Variants in HS3ST5 observed in about 807,000 individuals in gnomAD.
The protein encoded by HS3ST5 is heparan sulfate-glucosamine 3-sulfotransferase 5.
In HS3ST5, 10 loss-of-function variants were observed where a neutral mutation model predicts 25.4. The observed-to-expected ratio is 0.39, with a 90% CI of 0.24 to 0.67. The LOEUF is 0.67. Among genes scored for constraint, HS3ST5 ranks in the 30% least tolerant of loss-of-function variants. The pLI is 0.44. For synonymous variants in HS3ST5, 170 were observed against 162.4 expected (o/e 1.05, Z -0.36); for missense variants, 324 against 420.7 (o/e 0.77, Z 2.01).
chr6:114,093,047 C>A (rs1289386202), intron 3 of HS3ST5, among the ~76,000 whole-genome samples: 1 of 152,078 alleles, frequency 6.6e-6, no homozygotes, highest in African/African-American at 2.4e-5. Flanking sequence ...GTAGAATGAT[C>A]CACATGTTAC....
intron 1 of HS3ST5, among the ~76,000 whole-genome samples, chr6:114,304,575 A>C (rs1303435150): frequency 6.6e-6 from 1 of 152,120 alleles, no homozygotes; most frequent in Non-Finnish European, 1.5e-5. Context: ...AGCGATTCTC[A>C]AACTTTTTGG....
chr6:114,220,304 T>C (rs1781969838), intron 2 of HS3ST5, among the ~76,000 whole-genome samples: 2 of 152,088 alleles, frequency 1.3e-5, no homozygotes. Flanking sequence ...GCTTTAATTA[T>C]TTAATTTTTT....
At chr6:114,315,813 T>C (rs543836613) in intron 1 of HS3ST5, among the ~76,000 whole-genome samples, 4 of 152,212 alleles carry the variant, frequency 2.6e-5, no homozygotes, top group Admixed American at 6.5e-5. Context: ...TTTTTTCTTA[T>C]CTGCACTTTG....
At chr6:114,279,048 T>G (rs1289330744) in intron 1 of HS3ST5, among the ~76,000 whole-genome samples, 1 of 152,044 alleles carries the variant, frequency 6.6e-6, no homozygotes, top group Admixed American at 6.6e-5. Flanking sequence ...CAACCTTTAA[T>G]GGCAACAAGT....
intron 1 of HS3ST5, among the ~76,000 whole-genome samples, chr6:114,239,385 C>T (rs1471849987): frequency 6.6e-5 from 10 of 152,138 alleles, no homozygotes; most frequent in Admixed American, 6.5e-4. Flanking sequence ...GGGAGAGATA[C>T]ATTTTAACAA....
intron 3 of HS3ST5, among the ~76,000 whole-genome samples, chr6:114,156,847 T>TA (rs1479488334): frequency 6.6e-6 from 1 of 152,158 alleles, no homozygotes; most frequent in Admixed American, 6.5e-5. Flanking sequence ...CTTATTATCT[T>TA]AAATATGGCT....
intron 3 of HS3ST5, among the ~76,000 whole-genome samples, chr6:114,139,990 T>C (rs1777824230): frequency 6.6e-6 from 1 of 152,214 alleles, no homozygotes; most frequent in Admixed American, 6.5e-5. Flanking sequence ...ATGAGGGAAA[T>C]AGCTATTCCC....
At chr6:114,110,354 G>T (rs2114846208) in intron 3 of HS3ST5, among the ~76,000 whole-genome samples, 1 of 151,886 alleles carries the variant, frequency 6.6e-6, no homozygotes, top group South Asian at 2.1e-4. Context: ...GTGTGCTGGA[G>T]GTTGGGTGGT....
chr6:114,325,007 G>A (rs1776117012), intron 1 of HS3ST5, among the ~76,000 whole-genome samples: 1 of 152,228 alleles, frequency 6.6e-6, no homozygotes, highest in Non-Finnish European at 1.5e-5. Flanking sequence ...CAATAATCAG[G>A]AGAAAGAAAC....
At chr6:114,077,077 C>CAAA (rs1774181720) in intron 3 of HS3ST5, among the ~76,000 whole-genome samples, 1 of 152,110 alleles carries the variant, frequency 6.6e-6, no homozygotes. Flanking sequence ...CATATGGGTT[C>CAAA]TTCATTTCTG....
At chr6:114,244,784 A>C (rs1042479451) in intron 1 of HS3ST5, among the ~76,000 whole-genome samples, 2 of 152,180 alleles carry the variant, frequency 1.3e-5, no homozygotes, top group Non-Finnish European at 2.9e-5. Context: ...GGTAGAGAGA[A>C]CTCAAATGCT....
chr6:114,123,667 A>G (rs1490118532), intron 3 of HS3ST5, among the ~76,000 whole-genome samples: 3 of 152,176 alleles, frequency 2.0e-5, no homozygotes, highest in African/African-American at 4.8e-5. Context: ...GACCTGCTTC[A>G]TGCCTAGTTC....
At chr6:114,256,503 C>T (rs1772931671) in intron 1 of HS3ST5, among the ~76,000 whole-genome samples, 1 of 152,108 alleles carries the variant, frequency 6.6e-6, no homozygotes, top group Non-Finnish European at 1.5e-5. Context: ...CCTAAATCAT[C>T]TCCTTCAAAT....
chr6:114,231,533 C>A (rs1420984007), intron 1 of HS3ST5: 2 of 152,134 alleles, frequency 1.3e-5, no homozygotes, highest in African/African-American at 4.8e-5. Context: ...AGGTCCTTAA[C>A]CTGGCATTTA....
At chr6:114,141,858 TTGTGTGTG>T (rs59862071) in intron 3 of HS3ST5, among the ~76,000 whole-genome samples, 33,878 of 140,952 alleles carry the variant, frequency 0.24, 3,938 homozygotes, top group Middle Eastern at 0.33. Flanking sequence ...AGATGATAGT[TTGTGTGTG>T]TGTGTGTGTG....
intron 3 of HS3ST5, among the ~76,000 whole-genome samples, chr6:114,152,805 T>C (rs545558624): frequency 1.3e-5 from 2 of 152,296 alleles, no homozygotes; most frequent in South Asian, 4.1e-4. Context: ...GCGAGGGATG[T>C]AAAAGTTCAG....
intron 1 of HS3ST5, among the ~76,000 whole-genome samples, chr6:114,263,866 T>G (rs868425901): frequency 3.9e-5 from 6 of 152,096 alleles, no homozygotes; most frequent in Middle Eastern, 3.4e-3. Context: ...GTAACACCCA[T>G]ATTCATTTGC....
intron 2 of HS3ST5, among the ~76,000 whole-genome samples, chr6:114,211,895 C>T (rs1781523580): frequency 6.6e-6 from 1 of 152,170 alleles, no homozygotes; most frequent in African/African-American, 2.4e-5. Context: ...GAAAAATATC[C>T]TCAAGTAACA....
Position 114,202,517 on chromosome 6 carries a change from CA to C in HS3ST5, c.-145+26067del, listed in dbSNP as rs112052804. 2.0e-3 allele frequency among the ~76,000 whole-genome samples: 297 copies of C among 152,198 alleles called. 6 individuals carry two copies. Among genetic ancestry groups the C allele is most frequent in the East Asian group, 0.014 (74 of 5,180 alleles). ...TCAATGAATATTTGAACAAATTAAA[CA>C]AGTGGAGTTTGAAACTAGCAGCAGG... On this transcript the variant is annotated intron_variant, in intron 2 of 4. Coordinates refer to ENST00000312719, the MANE Select transcript of HS3ST5 (RefSeq NM_153612.4).
Sources: allele counts gnomAD v4.1 joint callset (sites outside exome capture counted in the v4.1 genomes callset), GRCh38; gene constraint gnomAD v4.1.1; transcripts MANE v1.5; gene names NCBI Gene and HGNC (gene_info 2026-07-23, HGNC 2026-07-21).